The following PLXNA2 variants were observed in gnomAD, a reference collection of about 807,000 sequenced individuals.
The protein encoded by PLXNA2 is plexin-A2.
PLXNA2 carries 91 observed loss-of-function variants against 193.5 expected under a neutral mutation model. The observed-to-expected ratio is 0.47, with a 90% CI of 0.40 to 0.56. The LOEUF is 0.56. PLXNA2 is among the 20% of genes least tolerant of loss of function. The probability of loss-of-function intolerance (pLI) is 0.00; values close to 1 mark genes in which losing one functional copy is unlikely to be tolerated. For synonymous variants in PLXNA2, 997 were observed against 1,027.3 expected, an observed-to-expected ratio of 0.97 and a Z score of 0.56; for missense variants, 1,995 against 2,503.2, an observed-to-expected ratio of 0.80 and a Z score of 4.33.
At chr1:208,100,889 G>A (rs1170883044) in intron 5 of PLXNA2, among the ~76,000 whole-genome samples, 2 of 152,134 alleles carry the variant, frequency 1.3e-5, no homozygotes, top group African/African-American at 2.4e-5. Flanking sequence ...ATGGAAACCC[G>A]CTCCACGGCT....
chr1:208,137,832 G>T (rs1482251373), intron 4 of PLXNA2, among the ~76,000 whole-genome samples: 1 of 152,128 alleles, frequency 6.6e-6, no homozygotes, highest in Non-Finnish European at 1.5e-5. Context: ...GATTGTTCTA[G>T]CTCTGTGGGG....
At chr1:208,188,152 A>T (rs1670064786) in intron 3 of PLXNA2, among the ~76,000 whole-genome samples, 1 of 152,004 alleles carries the variant, frequency 6.6e-6, no homozygotes, top group South Asian at 2.1e-4. Context: ...AGCTTATCTC[A>T]TGCCTTCAAC....
At chr1:208,200,518 A>C (rs1411789942) in intron 3 of PLXNA2, among the ~76,000 whole-genome samples, 1 of 151,348 alleles carries the variant, frequency 6.6e-6, no homozygotes, top group Non-Finnish European at 1.5e-5. Context: ...AAGTAAGTCC[A>C]TAATCTCTGA....
rs1330628351 is a variant in PLXNA2 at position 208,024,212 on chromosome 1, A to C, written c.*3031T>G. 1.3e-5 allele frequency: 2 copies of C among 152,232 alleles called. No individual in the cohort carries two copies. Among genetic ancestry groups the C allele is most frequent in the East Asian group, 3.9e-4 (2 of 5,176 alleles). 9.4% of individuals were successfully genotyped at this position (152,232 alleles called of 1,614,324 possible). Reference sequence around the variant, plus strand: ...AGAGACTTCCCTCTCTGCCTCCCCCAAGATGAATGGCTTCTTGTGGAGAGG... The same window carrying C: ...AGAGACTTCCCTCTCTGCCTCCCCCCAGATGAATGGCTTCTTGTGGAGAGG... On this transcript the variant is annotated 3_prime_UTR_variant, in exon 32 of 32. Coordinates refer to ENST00000367033, the MANE Select transcript of PLXNA2 (RefSeq NM_025179.4).
intron 12 of PLXNA2, among the ~76,000 whole-genome samples, chr1:208,065,201 G>A (rs1665751189): frequency 6.6e-6 from 1 of 152,190 alleles, no homozygotes; most frequent in Admixed American, 6.5e-5. Context: ...ACCAAAGTAT[G>A]GCCAGCATGT....
chr1:208,173,650 G>A (rs1184257934), intron 3 of PLXNA2, among the ~76,000 whole-genome samples: 1 of 152,214 alleles, frequency 6.6e-6, no homozygotes, highest in Non-Finnish European at 1.5e-5. Context: ...AAGAATAAGG[G>A]CCAAGGCTTC....
chr1:208,168,720 CGG>C (rs1192821528), intron 3 of PLXNA2, among the ~76,000 whole-genome samples: 5 of 27,354 alleles, frequency 1.8e-4, no homozygotes, highest in Non-Finnish European at 5.3e-4. Context: ...AAAGAGTATG[CGG>C]GGTTTTTTTT....
chr1:208,196,520 G>T (rs1169329437), intron 3 of PLXNA2, among the ~76,000 whole-genome samples: 1 of 152,162 alleles, frequency 6.6e-6, no homozygotes, highest in East Asian at 1.9e-4. Flanking sequence ...GGTTTTGGGT[G>T]GTGCTGAGAT....
At chr1:208,176,826 C>T (rs1162292817) in intron 3 of PLXNA2, among the ~76,000 whole-genome samples, 1 of 152,354 alleles carries the variant, frequency 6.6e-6, no homozygotes, top group South Asian at 2.1e-4. Flanking sequence ...GTAGCCCTAG[C>T]CTGCCTGTCA....
intron 3 of PLXNA2, among the ~76,000 whole-genome samples, chr1:208,161,381 T>G (rs993453218): frequency 3.3e-5 from 5 of 152,196 alleles, no homozygotes; most frequent in Non-Finnish European, 5.9e-5. Flanking sequence ...AGAAAAGGCT[T>G]TATTTTATTT....
chr1:208,105,081 C>T (rs1314662502), intron 4 of PLXNA2, among the ~76,000 whole-genome samples: 1 of 152,186 alleles, frequency 6.6e-6, no homozygotes, highest in African/African-American at 2.4e-5. Context: ...GAAGCCACCC[C>T]CCACTGTGGA....
At chr1:208,195,969 TG>T (rs143568989) in intron 3 of PLXNA2, among the ~76,000 whole-genome samples, 37,064 of 148,626 alleles carry the variant, frequency 0.25, 4,717 homozygotes, top group Admixed American at 0.35. Context: ...ACAAGGGAGG[TG>T]GGGGGTACAT....
chr1:208,207,376 G>A (rs1670765935), intron 3 of PLXNA2, among the ~76,000 whole-genome samples: 1 of 152,248 alleles, frequency 6.6e-6, no homozygotes, highest in Admixed American at 6.5e-5. Flanking sequence ...TCAGAAGGCA[G>A]TGGTCTTGTC....
At chr1:208,210,180 G>A (rs1268537580) in intron 3 of PLXNA2, 100 bp downstream of exon 3, 1 of 1,295,696 alleles carries the variant, frequency 7.7e-7, no homozygotes, top group African/African-American at 1.5e-5. Context: ...AGAAAATAAA[G>A]TTGCCTATAG....
At chr1:208,162,286 C>T (rs1669155025) in intron 3 of PLXNA2, among the ~76,000 whole-genome samples, 1 of 152,162 alleles carries the variant, frequency 6.6e-6, no homozygotes, top group African/African-American at 2.4e-5. Context: ...ATGACACTGA[C>T]CATCTGTTCT....
chr1:208,107,006 G>A (rs1393896985), intron 4 of PLXNA2, among the ~76,000 whole-genome samples: 1 of 152,226 alleles, frequency 6.6e-6, no homozygotes, highest in Non-Finnish European at 1.5e-5. Flanking sequence ...GTGAGTCTGG[G>A]TGACCATGGG....
rs139825170 is a variant in PLXNA2 at position 208,235,958 on chromosome 1, G to T, written c.-81+7685C>A. On this transcript the variant is annotated intron_variant, in intron 1 of 31. Transcript: ENST00000367033. Reference sequence around the variant, plus strand: ...GCCTTACAGAAAACCTCGTAGCCTGGGTTTTAATGTCACAGAGAGTGAAGG... The same window carrying T: ...GCCTTACAGAAAACCTCGTAGCCTGTGTTTTAATGTCACAGAGAGTGAAGG... 2.6e-5 allele frequency among the ~76,000 whole-genome samples: 4 copies of T among 152,250 alleles called. No individual in the cohort carries two copies. In the East Asian group the frequency reaches 7.7e-4, roughly 29 times the overall value.
Position 208,037,841 on chromosome 1 carries a change from G to C in PLXNA2, c.4764+530C>G, listed in dbSNP as rs1664721037. 2.0e-5 allele frequency among the ~76,000 whole-genome samples: 3 copies of C among 152,092 alleles called. No homozygotes were observed. The South Asian group carries it at 6.2e-4, about 32-fold the overall frequency. ...CTGTACGGAGCAGGGTTCACCAGGA[G>C]CCCCATTTTACACATGAGAGACAAG... On this transcript the variant is annotated intron_variant, in intron 26 of 31. Coordinates refer to ENST00000367033, the MANE Select transcript of PLXNA2 (RefSeq NM_025179.4).
intron 4 of PLXNA2, among the ~76,000 whole-genome samples, chr1:208,107,232 A>G (rs1667298058): frequency 1.3e-5 from 2 of 152,208 alleles, no homozygotes; most frequent in Admixed American, 1.3e-4. Flanking sequence ...GAAGAGGTCC[A>G]GGAAATGGGT....
Sources: allele counts gnomAD v4.1 joint callset (sites outside exome capture counted in the v4.1 genomes callset), GRCh38; gene constraint gnomAD v4.1.1; transcripts MANE v1.5; gene names NCBI Gene and HGNC (gene_info 2026-07-23, HGNC 2026-07-21).